Variants in C14orf39 observed in about 807,000 individuals in gnomAD.
The protein encoded by C14orf39 is chromosome 14 open reading frame 39.
C14orf39 carries 66 observed loss-of-function variants against 85.6 expected under a neutral mutation model. The observed-to-expected ratio is 0.77, with a 90% CI of 0.63 to 0.95. The LOEUF (loss-of-function observed/expected upper bound fraction) is 0.95. C14orf39 is among the 40% of genes least tolerant of loss of function. C14orf39 has a pLI of 0.00. For missense variants in C14orf39, 735 were observed against 663.9 expected (o/e 1.11, Z -1.18); for synonymous variants, 242 against 214.0 (o/e 1.13, Z -1.14).
intron 5 of C14orf39, among the ~76,000 whole-genome samples, chr14:60,473,858 T>C (rs1892232351): frequency 6.6e-6 from 1 of 152,196 alleles, no homozygotes; most frequent in Non-Finnish European, 1.5e-5. Context: ...CTTTGTTCTT[T>C]TGGCTTAGGA....
chr14:60,497,703 C>T (rs1428181886), intron 2 of C14orf39, among the ~76,000 whole-genome samples: 1 of 152,044 alleles, frequency 6.6e-6, no homozygotes, highest in Non-Finnish European at 1.5e-5. Flanking sequence ...TGGTGAAACC[C>T]CATCTCTACT....
At chr14:60,451,866 T>C (rs1366234695) in intron 16 of C14orf39, among the ~76,000 whole-genome samples, 1 of 151,776 alleles carries the variant, frequency 6.6e-6, no homozygotes, top group East Asian at 1.9e-4. Flanking sequence ...AAATTAAAAA[T>C]AAAATAAAAT....
rs749025406 is a variant in C14orf39, at chr14:60,466,934, G to C, written c.878C>G (p.Ser293Ter). The part of the protein sequence containing the change: ...KLVRPIKMHS[S>*]EPRVADIKEE... The stretch of plus-strand genomic sequence containing the variant: ...TATTATACCTGCAACTCTTGGTTCT[G>C]AAGAATGCATCTTTATTGGTCTTAC... The change falls in exon 10 of 18, where the codon TCA becomes TGA. Residue 293 changes from serine to a stop codon, truncating the protein, a stop_gained. Transcript: ENST00000321731. LOFTEE classifies it high-confidence loss of function. The C allele has an allele frequency of 2.0e-6, 3 of 1,488,000 alleles. No homozygotes were observed. Among genetic ancestry groups the C allele is most frequent in the Non-Finnish European group, 2.7e-6 (3 of 1,124,452 alleles). The allele number at this position is 1,488,000 out of a possible 1,614,324, so 92.2% of individuals were successfully genotyped here. A position where few individuals can be genotyped will look rare whatever the true frequency, so the allele number is the denominator to read the frequency against.
chr14:60,470,622 C>T (rs1892031206), intron 7 of C14orf39, among the ~76,000 whole-genome samples: 1 of 151,816 alleles, frequency 6.6e-6, no homozygotes, highest in South Asian at 2.1e-4. Flanking sequence ...GGCCCCTTCC[C>T]ACTGAGAAGT....
chr14:60,500,682 C>T (rs1016139780), intron 1 of C14orf39, among the ~76,000 whole-genome samples: 2 of 152,062 alleles, frequency 1.3e-5, no homozygotes, highest in Non-Finnish European at 2.9e-5. Flanking sequence ...AATATAAATA[C>T]TTTCATCAAA....
At chr14:60,482,124 T>TA (rs1194039117) in intron 4 of C14orf39, among the ~76,000 whole-genome samples, 2 of 152,180 alleles carry the variant, frequency 1.3e-5, no homozygotes, top group African/African-American at 4.8e-5. Flanking sequence ...TTAGACATAT[T>TA]AAAATCAACA....
In C14orf39 at chr14:60,485,098, G is replaced by GAA; in HGVS notation, c.-8-14_-8-13dup. 2.6e-6 allele frequency: 4 copies of GAA among 1,518,888 alleles called. No individual in the cohort carries two copies. Among genetic ancestry groups the GAA allele is most frequent in the Admixed American group, 2.1e-5 (1 of 47,810 alleles). The allele number at this position is 1,518,888 out of a possible 1,614,324, so 94.1% of individuals were successfully genotyped here. ...ATTCATCTTGGATACTATGTTAAAT[G>GAA]AAAAAAAAAATTATAAGATTTTCTG... On this transcript the variant is annotated splice_polypyrimidine_tract_variant and intron_variant, in intron 1 of 17. Transcript: ENST00000321731.
At chr14:60,444,312 G>C (rs1890660478) in intron 16 of C14orf39, among the ~76,000 whole-genome samples, 1 of 152,160 alleles carries the variant, frequency 6.6e-6, no homozygotes, top group Non-Finnish European at 1.5e-5. Context: ...AAAAAGGTTA[G>C]ACGAATGGCT....
At chr14:60,454,656 A>G (rs1389913343) in intron 16 of C14orf39, among the ~76,000 whole-genome samples, 1 of 152,036 alleles carries the variant, frequency 6.6e-6, no homozygotes, top group Non-Finnish European at 1.5e-5. Context: ...TGTAGTTGAA[A>G]AGACCCATTT....
At chr14:60,453,993 A>T (rs923216854) in intron 16 of C14orf39, among the ~76,000 whole-genome samples, 14 of 152,000 alleles carry the variant, frequency 9.2e-5, no homozygotes, top group African/African-American at 3.1e-4. Flanking sequence ...ATTTATATAC[A>T]TGCATTTTGC....
chr14:60,463,759 T>C (rs1891648096), intron 11 of C14orf39, among the ~76,000 whole-genome samples: 1 of 152,148 alleles, frequency 6.6e-6, no homozygotes, highest in Non-Finnish European at 1.5e-5. Flanking sequence ...TTAGAATTTG[T>C]TGAGATATAC....
At chr14:60,490,913 T>C (rs1892980695), upstream of C14orf39, among the ~76,000 whole-genome samples, 1 of 152,224 alleles carries the variant, frequency 6.6e-6, no homozygotes, top group Non-Finnish European at 1.5e-5. Context: ...GTGTCACTCA[T>C]TCCAATTCAA....
intron 17 of C14orf39, among the ~76,000 whole-genome samples, chr14:60,440,465 A>G (rs1890456085): frequency 6.6e-6 from 1 of 152,188 alleles, no homozygotes; most frequent in African/African-American, 2.4e-5. Context: ...CTCTATCTTC[A>G]GAAAACTTTG....
intron 1 of C14orf39, 141 bp from the exon 2 acceptor site, chr14:60,485,227 TTGAG>T: frequency 1.4e-6 from 1 of 701,830 alleles, no homozygotes; most frequent in Non-Finnish European, 2.3e-6. Context: ...AGAGGCCCCC[TTGAG>T]CCCATGGCGA....
chr14:60,486,162 C>T (rs554161597), upstream of C14orf39: 1 of 152,314 alleles, frequency 6.6e-6, no homozygotes, highest in South Asian at 2.1e-4. Context: ...CGAGATCGCG[C>T]TCTGGACGAG....
chr14:60,470,692 T>C (rs975321250), intron 7 of C14orf39, among the ~76,000 whole-genome samples: 4 of 150,356 alleles, frequency 2.7e-5, no homozygotes, highest in Non-Finnish European at 1.5e-5. Flanking sequence ...AACCAAAACA[T>C]GGAAAAAGCT....
chr14:60,490,623 C>T (rs1411577397), upstream of C14orf39, among the ~76,000 whole-genome samples: 1 of 151,748 alleles, frequency 6.6e-6, no homozygotes, highest in Non-Finnish European at 1.5e-5. Flanking sequence ...GATCCTGCCT[C>T]TAAAAAATAA....
At chr14:60,508,084 G>T (rs1893230073) in intron 1 of C14orf39, among the ~76,000 whole-genome samples, 1 of 152,118 alleles carries the variant, frequency 6.6e-6, no homozygotes, top group African/African-American at 2.4e-5. Context: ...ATAATCAGCG[G>T]CTTAGGAAGT....
At chr14:60,503,284 A>G (rs940234154) in intron 1 of C14orf39, among the ~76,000 whole-genome samples, 2 of 152,138 alleles carry the variant, frequency 1.3e-5, no homozygotes, top group Non-Finnish European at 2.9e-5. Context: ...AGGGCTTGCA[A>G]GGGTTATACC....
Sources: allele counts gnomAD v4.1 joint callset (sites outside exome capture counted in the v4.1 genomes callset), GRCh38; gene constraint gnomAD v4.1.1; transcripts MANE v1.5; gene names NCBI Gene and HGNC (gene_info 2026-07-23, HGNC 2026-07-21).